Variants in EPS8L1 observed in about 807,000 individuals in gnomAD.
EPS8L1 encodes the protein epidermal growth factor receptor kinase substrate 8-like protein 1.
EPS8L1 carries 101 observed loss-of-function variants against 91.7 expected under a neutral mutation model. The ratio of observed to expected loss-of-function variants is 1.10; its 90% confidence interval spans 0.94 to 1.30. EPS8L1 has a LOEUF of 1.30. Among genes scored for constraint, EPS8L1 ranks in the 50% most tolerant of loss-of-function variants. EPS8L1 has a pLI of 0.00. For synonymous variants in EPS8L1, 506 were observed against 445.3 expected (o/e 1.14, Z -1.72); for missense variants, 1,114 against 1,017.0 (o/e 1.10, Z -1.30).
At position 55,081,692 on chromosome 19, in the gene EPS8L1, A is replaced by G. The variant is rs2076266235; in HGVS notation, c.775-81A>G. 2.6e-6 allele frequency: 4 copies of G among 1,531,910 alleles called. No individual in the cohort carries two copies. Among genetic ancestry groups the G allele is most frequent in the Non-Finnish European group, 8.8e-7 (1 of 1,138,222 alleles). 94.9% of individuals were successfully genotyped at this position (1,531,910 alleles called of 1,614,324 possible). ...GGCGTGGCCTGATCTGGGGAAGTGT[A>G]TAGGTGCTCAGGTTCAGGGCTTCGA... On this transcript the variant is annotated intron_variant, in intron 8 of 19. Coordinates refer to ENST00000201647, the MANE Select transcript of EPS8L1 (RefSeq NM_133180.3). This position sits in a 1 kb window ranked among gnomAD's most constrained non-coding sequence, Gnocchi z 4.9.
At position 55,081,723 on chromosome 19, in the gene EPS8L1, A is replaced by C; in HGVS notation, c.775-50A>C. The C allele has an allele frequency of 1.3e-6, 2 of 1,563,092 alleles. No homozygotes were observed. Among genetic ancestry groups the C allele is most frequent in the Non-Finnish European group, 1.7e-6 (2 of 1,152,598 alleles). On this transcript the variant is annotated intron_variant, in intron 8 of 19. Coordinates refer to ENST00000201647, the MANE Select transcript of EPS8L1 (RefSeq NM_133180.3). The surrounding 1 kb of genome is among the most constrained non-coding windows in gnomAD (Gnocchi z 4.9). ...GCTCAGGTTCAGGGCTTCGACGGGG[A>C]TGGTTTTGGAACTCGGGAGCCCTGA... is the stretch of plus-strand genomic sequence containing the variant.
chr19:55,080,908 G>T (rs974436543), intron 7 of EPS8L1, 54 bp downstream of exon 7: 3 of 1,490,432 alleles, frequency 2.0e-6, no homozygotes, highest in South Asian at 1.3e-5. Flanking sequence ...CCCTCCTTGT[G>T]CCTCAGTCTA....
chr19:55,081,492 G>T lies in EPS8L1; in HGVS notation c.774G>T (p.Val258=). 6.3e-7 allele frequency: 1 copy of T among 1,578,476 alleles called. No individual in the cohort carries two copies. Among genetic ancestry groups the T allele is most frequent in the Non-Finnish European group, 8.6e-7 (1 of 1,162,706 alleles). Residue 258 remains valine (V), a splice_region_variant and synonymous_variant, in exon 8 of 20, where the codon GTG becomes GTT. Transcript: ENST00000201647. The surrounding 1 kb of genome is among the most constrained non-coding windows in gnomAD (Gnocchi z 4.9). ...DLAVLQAERE[V]DILNHVFDDV... The stretch of plus-strand genomic sequence containing the variant: ...CGGTTCTGCAGGCGGAGCGGGAAGT[G>T]GTGAGCCGCTAAGGAAGGGGTCTGG...
chr19:55,081,602 T>A lies in EPS8L1; in HGVS notation c.774+110T>A. The stretch of plus-strand genomic sequence containing the variant: ...GACGGGCGTTCTCTGGTCAGACTTC[T>A]GCGTTATGGAAGAGGGGCTGGGTCG... On this transcript the variant is annotated intron_variant, in intron 8 of 19. Coordinates refer to ENST00000201647, the MANE Select transcript of EPS8L1 (RefSeq NM_133180.3). This position sits in a 1 kb window ranked among gnomAD's most constrained non-coding sequence, Gnocchi z 4.9. 1 of 707,812 alleles carries A rather than the reference T, an allele frequency of 1.4e-6. No individual in the cohort carries two copies. The highest frequency in any genetic ancestry group is 1.9e-6 in the Non-Finnish European group (1 of 515,868). The allele number at this position is 707,812 out of a possible 1,614,324, so 43.8% of individuals were successfully genotyped here. A position where few individuals can be genotyped will look rare whatever the true frequency, so the allele number is the denominator to read the frequency against.
chr19:55,087,333 G>A lies in EPS8L1; in HGVS notation c.1983G>A (p.Gly661=), dbSNP rs1238418357. The A allele has an allele frequency of 6.2e-7, 1 of 1,611,624 alleles. No individual in the cohort carries two copies. The highest frequency in any genetic ancestry group is 1.1e-5 in the South Asian group (1 of 90,822). ...TGGACGCGCTGGGTGTGCTGACCGG[G>A]GCGCAGCTTTTCTCGCTGCAGAAGG... is the stretch of plus-strand genomic sequence containing the variant. ...GTVDALGVLT[G]AQLFSLQKEE... Residue 661 remains glycine (G), a synonymous_variant, in exon 19 of 20, where the codon GGG becomes GGA. Coordinates refer to ENST00000201647, the MANE Select transcript of EPS8L1 (RefSeq NM_133180.3).
rs1455570362 is a variant in EPS8L1 at position 55,087,860 on chromosome 19, G to A, written c.*246G>A. 3.7e-6 allele frequency: 2 copies of A among 536,984 alleles called. No homozygotes were observed. Among genetic ancestry groups the A allele is most frequent in the South Asian group, 2.0e-5 (1 of 49,744 alleles). 33.3% of individuals were successfully genotyped at this position (536,984 alleles called of 1,614,324 possible). A position where few individuals can be genotyped will look rare whatever the true frequency, so the allele number is the denominator to read the frequency against. Reference sequence around the variant, plus strand: ...AAAGCGCTAGCAGACCCCCGAGAGGGTGCAGTGGAGCCCTGAGCATTGTAA... The same window carrying A: ...AAAGCGCTAGCAGACCCCCGAGAGGATGCAGTGGAGCCCTGAGCATTGTAA... On this transcript the variant is annotated 3_prime_UTR_variant, in exon 20 of 20. Transcript: ENST00000201647.
rs751240032 is a variant in EPS8L1, at chr19:55,081,823, G to T, written c.825G>T (p.Leu275=). 1.9e-6 allele frequency: 3 copies of T among 1,612,860 alleles called. No individual in the cohort carries two copies. The highest frequency in any genetic ancestry group is 1.1e-5 in the South Asian group (1 of 91,054). ...ACGTAGAGAGCTTTGTATCGAGGCT[G>T]CAGAAGTCGGCGGAGGCGGCCAGGG... is the stretch of plus-strand genomic sequence containing the variant. ...FDDVESFVSR[L]QKSAEAARVL... Residue 275 remains leucine, a synonymous_variant, in exon 9 of 20, where the codon CTG becomes CTT. Transcript: ENST00000201647. The surrounding 1 kb of genome is among the most constrained non-coding windows in gnomAD (Gnocchi z 4.9).
chr19:55,079,686 C>T lies in EPS8L1; in HGVS notation c.118-4C>T. The T allele has an allele frequency of 6.2e-7, 1 of 1,613,130 alleles. No homozygotes were observed. The highest frequency in any genetic ancestry group is 8.5e-7 in the Non-Finnish European group (1 of 1,179,436). On this transcript the variant is annotated splice_polypyrimidine_tract_variant and splice_region_variant and intron_variant, in intron 4 of 19. Coordinates refer to ENST00000201647, the MANE Select transcript of EPS8L1 (RefSeq NM_133180.3). ...CTCACTGCTTTCTCCATGGTCCGTA[C>T]CAGCACCTGGTGACGTTCTGCCTGG...
chr19:55,077,781 G>C (rs2076159689), intron 2 of EPS8L1, among the ~76,000 whole-genome samples: 1 of 150,840 alleles, frequency 6.6e-6, no homozygotes, highest in East Asian at 1.9e-4. Flanking sequence ...TAGAGACAGG[G>C]TTTCACCATG....
At chr19:55,079,236 C>T (rs1321309951) in intron 4 of EPS8L1, among the ~76,000 whole-genome samples, 179 bp downstream of exon 4, 1 of 152,114 alleles carries the variant, frequency 6.6e-6, no homozygotes, top group South Asian at 2.1e-4. Flanking sequence ...CCAGGGGCCT[C>T]GGGTCCACTT....
chr19:55,086,281 G>A (rs1393661953), intron 16 of EPS8L1, 89 bp downstream of exon 16: 1 of 1,611,938 alleles, frequency 6.2e-7, no homozygotes, highest in Non-Finnish European at 8.5e-7. Flanking sequence ...GCTGTCAAGA[G>A]TGCTGGAGCA....
intron 6 of EPS8L1, 53 bp from the exon 7 acceptor site, chr19:55,080,692 TGAAAAATCGGCCAGGGGCGAGGCCCGG>T: frequency 9.5e-6 from 15 of 1,574,862 alleles, no homozygotes; most frequent in Non-Finnish European, 1.3e-5. Flanking sequence ...GGGACTGAGC[TGAAAAATCGGCCAGGGGCGAGGCCCGG>T]GTAGGAAGTG....
chr19:55,079,106 G>A (rs1218856019), intron 4 of EPS8L1, 49 bp downstream of exon 4: 2 of 1,594,772 alleles, frequency 1.3e-6, no homozygotes, highest in Non-Finnish European at 1.7e-6. Context: ...GGGCAAAGGT[G>A]GCCTCAGGAG....
rs757847122 is a variant in EPS8L1, at chr19:55,081,421, G to T, written c.703G>T (p.Ala235Ser). The T allele has an allele frequency of 6.3e-7, 1 of 1,599,598 alleles. No homozygotes were observed. Among genetic ancestry groups the T allele is most frequent in the South Asian group, 1.1e-5 (1 of 89,156 alleles). The change falls in exon 8 of 20, where the codon GCT becomes TCT. Residue 235 changes from alanine to serine, a missense_variant. Coordinates refer to ENST00000201647, the MANE Select transcript of EPS8L1 (RefSeq NM_133180.3). The surrounding 1 kb of genome is among the most constrained non-coding windows in gnomAD (Gnocchi z 4.9). ...TGAGCCGGTGGGGACCTCGAGCAAC[G>T]CTGACTCGGCCTCCCCGGACCTGGG... ...RPEPVGTSSNADSASPDLGPR... is the reference protein window; with the variant it reads ...RPEPVGTSSNSDSASPDLGPR...
At chr19:55,080,930 T>C in intron 7 of EPS8L1, 76 bp downstream of exon 7, 1 of 1,355,876 alleles carries the variant, frequency 7.4e-7, no homozygotes, top group Non-Finnish European at 1.0e-6. Flanking sequence ...AACACCAGCC[T>C]GGAACAGAAC....
chr19:55,077,583 TC>T (rs2076155009), intron 2 of EPS8L1, among the ~76,000 whole-genome samples: 1 of 111,540 alleles, frequency 9.0e-6, no homozygotes. Flanking sequence ...ACCTGACCTG[TC>T]TTTTTTTTTT....
At chr19:55,085,365 C>T (rs1397708989) in intron 14 of EPS8L1, among the ~76,000 whole-genome samples, 1 of 152,128 alleles carries the variant, frequency 6.6e-6, no homozygotes. Flanking sequence ...CAGGGTTTCA[C>T]CATGTTGGCC....
Position 55,086,465 on chromosome 19 carries a change from G to T in EPS8L1, c.1724G>T (p.Arg575Met). Residue 575 changes from arginine (R) to methionine (M), a missense_variant, in exon 17 of 20, where the codon AGG becomes ATG. Transcript: ENST00000201647. ...PPALARPRWD[R>M]PRWDSCDSLN... The stretch of plus-strand genomic sequence containing the variant: ...GCTCTGGCTCGGCCCCGCTGGGACA[G>T]GCCCCGCTGGGACAGCTGCGATAGC... 1.3e-6 allele frequency: 2 copies of T among 1,552,198 alleles called. No homozygotes were observed. Among genetic ancestry groups the T allele is most frequent in the Non-Finnish European group, 8.7e-7 (1 of 1,147,236 alleles).
intron 3 of EPS8L1, among the ~76,000 whole-genome samples, 172 bp from the exon 4 acceptor site, chr19:55,078,827 G>A (rs1160794683): frequency 2.4e-5 from 1 of 42,328 alleles, no homozygotes; most frequent in Admixed American, 2.5e-4. Context: ...TGGACTCCTG[G>A]GTTTGAGGGA....
Sources: gnomAD v4.1 joint callset for allele counts (sites outside exome capture counted in the v4.1 genomes callset) on GRCh38, gnomAD v4.1.1 for gene constraint, Gnocchi (gnomAD v3.1) non-coding constraint, MANE v1.5 for transcripts, NCBI Gene and HGNC (gene_info 2026-07-23, HGNC 2026-07-21) for gene names.